The following PLCB1 variants were observed in gnomAD, a reference collection of about 807,000 sequenced individuals.
The protein encoded by PLCB1 is 1-phosphatidylinositol 4,5-bisphosphate phosphodiesterase beta-1.
In PLCB1, 46 loss-of-function variants were observed where a neutral mutation model predicts 161.8. That is an observed-to-expected ratio of 0.28 (90% CI 0.22 to 0.36). The LOEUF (loss-of-function observed/expected upper bound fraction) is 0.36, where lower values mean the gene tolerates loss of function less well. Ranked by LOEUF, PLCB1 falls within the 10% of genes least tolerant of loss-of-function variation. The pLI is 1.00. For synonymous variants in PLCB1, 517 were observed against 503.7 expected, an observed-to-expected ratio of 1.03 and a Z score of -0.35; for missense variants, 1,016 against 1,472.5, an observed-to-expected ratio of 0.69 and a Z score of 5.07.
chr20:8,403,966 G>A (rs1214546155), intron 3 of PLCB1, among the ~76,000 whole-genome samples: 1 of 152,062 alleles, frequency 6.6e-6, no homozygotes, highest in Non-Finnish European at 1.5e-5. Context: ...TGTCTATAAT[G>A]TCCTTTATGA....
chr20:8,195,622 A>G (rs6118101), intron 2 of PLCB1, among the ~76,000 whole-genome samples: 8,880 of 152,114 alleles, frequency 0.058, 873 homozygotes, highest in African/African-American at 0.2. Flanking sequence ...AACATTACCC[A>G]TTTGGCAACT....
chr20:8,299,015 C>CAGAG (rs1238391731), intron 2 of PLCB1, among the ~76,000 whole-genome samples: 4 of 151,636 alleles, frequency 2.6e-5, no homozygotes, highest in Non-Finnish European at 5.9e-5. Context: ...GGTAGATAGA[C>CAGAG]AGACTAGATT....
At position 8,840,012 on chromosome 20, in the gene PLCB1, CA is replaced by C. The variant is rs1986436663; in HGVS notation, c.3424-41609del. On this transcript the variant is annotated intron_variant, in intron 31 of 31. Transcript: ENST00000338037. ...CGCCACTGCACTCCAACCTGGGTGA[CA>C]GAGAGAAACTCTGTCTCAGAAAAAA... is the stretch of plus-strand genomic sequence containing the variant. Among the ~76,000 whole-genome samples the C allele has an allele frequency of 2.7e-5, 4 of 147,216 alleles. No homozygotes were observed. In the Admixed American group the frequency reaches 2.8e-4, roughly 10 times the overall value.
rs185552963 is a variant in PLCB1, at chr20:8,345,068, C to G, written c.178-26314C>G. Among the ~76,000 whole-genome samples the G allele has an allele frequency of 9.3e-4, 141 of 152,272 alleles. No individual in the cohort carries two copies. In the Middle Eastern group the frequency reaches 0.01, roughly 11 times the overall value. On this transcript the variant is annotated intron_variant, in intron 2 of 31. Transcript: ENST00000338037. ...ATTTGGTACAATGCATACTCGCTCT[C>G]CATATTTTCAGAATTTTTGAAAAGT...
chr20:8,627,300 AT>A (rs968788304), intron 3 of PLCB1, among the ~76,000 whole-genome samples: 1 of 152,090 alleles, frequency 6.6e-6, no homozygotes, highest in Non-Finnish European at 1.5e-5. Context: ...AACATCTACT[AT>A]TTTTTTAAAC....
intron 2 of PLCB1, among the ~76,000 whole-genome samples, chr20:8,184,809 T>TTATTAC (rs59661161): frequency 1.3e-5 from 2 of 148,964 alleles, no homozygotes; most frequent in Admixed American, 6.7e-5. Context: ...ATTATTATTA[T>TTATTAC]ACTTTAAGTT....
At chr20:8,687,930 G>A (rs1027457397) in intron 10 of PLCB1, among the ~76,000 whole-genome samples, 1 of 152,186 alleles carries the variant, frequency 6.6e-6, no homozygotes, top group Non-Finnish European at 1.5e-5. Context: ...CATAGTGGCT[G>A]TACTAGTTTA....
chr20:8,413,105 T>C (rs994124357), intron 3 of PLCB1, among the ~76,000 whole-genome samples: 1 of 152,196 alleles, frequency 6.6e-6, no homozygotes, highest in Non-Finnish European at 1.5e-5. Context: ...AATGTTTACT[T>C]TGTTTTCATA....
intron 3 of PLCB1, among the ~76,000 whole-genome samples, chr20:8,487,862 G>C (rs1010683645): frequency 6.6e-6 from 1 of 152,150 alleles, no homozygotes; most frequent in Non-Finnish European, 1.5e-5. Flanking sequence ...GGTGCACCCA[G>C]CCCTTGAGAT....
At chr20:8,240,279 G>GACACAC (rs10683042) in intron 2 of PLCB1, among the ~76,000 whole-genome samples, 4,942 of 149,642 alleles carry the variant, frequency 0.033, 107 homozygotes, top group Non-Finnish European at 0.047. Flanking sequence ...TCATGATATT[G>GACACAC]ACACACACAC....
At chr20:8,781,283 A>G (rs1983206649) in intron 27 of PLCB1, among the ~76,000 whole-genome samples, 1 of 152,110 alleles carries the variant, frequency 6.6e-6, no homozygotes, top group Admixed American at 6.5e-5. Flanking sequence ...TTTTTCTACT[A>G]AACAAGAAAT....
At chr20:8,465,482 A>T (rs1461525023) in intron 3 of PLCB1, among the ~76,000 whole-genome samples, 5 of 152,016 alleles carry the variant, frequency 3.3e-5, no homozygotes, top group Admixed American at 2.0e-4. Context: ...TGTATAAGGG[A>T]TCTCTAGTGA....
At chr20:8,300,176 A>G (rs1983833791) in intron 2 of PLCB1, among the ~76,000 whole-genome samples, 7 of 152,162 alleles carry the variant, frequency 4.6e-5, no homozygotes, top group Admixed American at 4.6e-4. Context: ...TAGGCTAGCT[A>G]GGGAATGTTC....
At chr20:8,850,681 C>T (rs1314128565) in intron 31 of PLCB1, among the ~76,000 whole-genome samples, 2 of 152,260 alleles carry the variant, frequency 1.3e-5, no homozygotes, top group East Asian at 3.9e-4. Flanking sequence ...GCTCTTTTTG[C>T]CCTTCTGCCA....
At chr20:8,194,450 C>T (rs1019368740) in intron 2 of PLCB1, among the ~76,000 whole-genome samples, 8 of 151,984 alleles carry the variant, frequency 5.3e-5, no homozygotes, top group East Asian at 1.9e-4. Context: ...TTTAATATTT[C>T]ATATGCAGTT....
Position 8,737,204 on chromosome 20 carries a change from G to A in PLCB1, c.2208+12G>A. On this transcript the variant is annotated intron_variant, in intron 20 of 31. Transcript: ENST00000338037. ...TTGTGTTCAAAAAGGTTGGTCACAT[G>A]TTCTTGATATGAGTTATAACTGCAT... 6.2e-7 allele frequency: 1 copy of A among 1,607,774 alleles called. No individual in the cohort carries two copies. Among genetic ancestry groups the A allele is most frequent in the Non-Finnish European group, 8.5e-7 (1 of 1,174,712 alleles).
intron 31 of PLCB1, among the ~76,000 whole-genome samples, chr20:8,797,529 T>G (rs568041307): frequency 2.0e-5 from 3 of 152,276 alleles, no homozygotes; most frequent in Non-Finnish European, 4.4e-5. Context: ...CAATTTTTTT[T>G]CCTACACTTT....
intron 27 of PLCB1, among the ~76,000 whole-genome samples, chr20:8,782,519 A>G (rs1983291484): frequency 6.6e-6 from 1 of 152,072 alleles, no homozygotes; most frequent in Non-Finnish European, 1.5e-5. Context: ...CAGCCTCCCA[A>G]GTAGCTGGGA....
At chr20:8,301,491 G>A (rs1983910499) in intron 2 of PLCB1, among the ~76,000 whole-genome samples, 1 of 152,110 alleles carries the variant, frequency 6.6e-6, no homozygotes, top group Non-Finnish European at 1.5e-5. Context: ...TAAATCCAAT[G>A]AGAGAAAAGG....
Sources: gnomAD v4.1 joint callset for allele counts (sites outside exome capture counted in the v4.1 genomes callset) on GRCh38, gnomAD v4.1.1 for gene constraint, MANE v1.5 for transcripts, NCBI Gene and HGNC (gene_info 2026-07-23, HGNC 2026-07-21) for gene names.